Variants in BRAF observed in about 807,000 individuals in gnomAD.
BRAF encodes serine/threonine-protein kinase B-raf.
A neutral mutation model predicts 104.6 loss-of-function variants in BRAF; 16 were observed. That is an observed-to-expected ratio of 0.15 (90% confidence interval 0.10 to 0.23). The LOEUF is 0.23. BRAF is among the 10% of genes least tolerant of loss of function. BRAF has a pLI of 1.00. For missense variants in BRAF, 541 were observed against 937.3 expected (o/e 0.58, Z 5.52); for synonymous variants, 310 against 341.6 (o/e 0.91, Z 1.02).
chr7:140,783,281 CT>C (rs2129026685), intron 10 of BRAF, 124 bp from the exon 10 acceptor site: 1 of 1,259,928 alleles, frequency 7.9e-7, no homozygotes, highest in Admixed American at 2.4e-5. Context: ...AAATATAGAC[CT>C]TTTGGAAAGG....
intron 2 of BRAF, among the ~76,000 whole-genome samples, chr7:140,838,202 CTT>C (rs1807554733): frequency 6.6e-6 from 1 of 152,184 alleles, no homozygotes. Flanking sequence ...TCTAAGCTCT[CTT>C]TGTCAAAATC....
intron 1 of BRAF, 71 bp from the exon 2 acceptor site, chr7:140,850,283 C>A (rs1445981146): frequency 3.0e-5 from 36 of 1,192,074 alleles, no homozygotes; most frequent in Non-Finnish European, 4.0e-5. Context: ...TTAACATAGA[C>A]AACTACATCA....
chr7:140,780,066 A>C (rs1800715051), intron 12 of BRAF: 1 of 152,176 alleles, frequency 6.6e-6, no homozygotes, highest in Non-Finnish European at 1.5e-5. Flanking sequence ...TTGTATCATA[A>C]AATACTGTAC....
intron 2 of BRAF, among the ~76,000 whole-genome samples, chr7:140,842,501 T>C (rs976263534): frequency 8.5e-5 from 13 of 152,158 alleles, no homozygotes; most frequent in Non-Finnish European, 1.8e-4. Context: ...GTAGGGTGAT[T>C]ACAGAGACAG....
chr7:140,850,881 T>G (rs1476947710), intron 1 of BRAF, among the ~76,000 whole-genome samples: 1 of 152,188 alleles, frequency 6.6e-6, no homozygotes, highest in Non-Finnish European at 1.5e-5. Context: ...CTTGTCTACT[T>G]CCTCTTTTAA....
At chr7:140,920,692 C>A (rs1434824162) in intron 1 of BRAF, among the ~76,000 whole-genome samples, 1 of 152,054 alleles carries the variant, frequency 6.6e-6, no homozygotes. Context: ...CTTTAATGGC[C>A]AACATATAAA....
chr7:140,776,811 T>C (rs1195721370), intron 14 of BRAF, 101 bp downstream of exon 13: 25 of 1,151,036 alleles, frequency 2.2e-5, no homozygotes, highest in Non-Finnish European at 3.1e-5. Context: ...TCCTGGACAG[T>C]AATTTAAAAT....
intron 1 of BRAF, among the ~76,000 whole-genome samples, chr7:140,912,644 A>C (rs1336126522): frequency 6.6e-6 from 1 of 152,050 alleles, no homozygotes; most frequent in East Asian, 1.9e-4. Flanking sequence ...ATTCCTCACC[A>C]TCTTTACTTC....
intron 2 of BRAF, chr7:140,835,807 A>G (rs1473863999): frequency 2.0e-5 from 3 of 152,196 alleles, no homozygotes; most frequent in Admixed American, 2.0e-4. Flanking sequence ...CACTCACACC[A>G]TGCTCTACTA....
At chr7:140,862,411 A>C (rs1164194629) in intron 1 of BRAF, among the ~76,000 whole-genome samples, 1 of 152,188 alleles carries the variant, frequency 6.6e-6, no homozygotes, top group Non-Finnish European at 1.5e-5. Flanking sequence ...GGAAGTTCAA[A>C]ATACATTTAG....
chr7:140,827,156 C>G (rs771523640), intron 3 of BRAF, among the ~76,000 whole-genome samples: 1 of 152,188 alleles, frequency 6.6e-6, no homozygotes, highest in African/African-American at 2.4e-5. Context: ...TAAATCAAGA[C>G]TACCTAAAAG....
intron 17 of BRAF, 186 bp downstream of exon 16, chr7:140,749,101 T>G (rs1225789026): frequency 9.7e-6 from 6 of 617,608 alleles, no homozygotes; most frequent in Middle Eastern, 4.7e-4. Flanking sequence ...TCATGACTGA[T>G]ATTCTGAGGA....
chr7:140,768,932 C>T (rs1341923052), intron 14 of BRAF, among the ~76,000 whole-genome samples: 1 of 152,196 alleles, frequency 6.6e-6, no homozygotes, highest in Non-Finnish European at 1.5e-5. Flanking sequence ...AAAGCCCTCA[C>T]CAGAAGCCCA....
At chr7:140,860,606 G>A (rs897940800) in intron 1 of BRAF, among the ~76,000 whole-genome samples, 4 of 152,082 alleles carry the variant, frequency 2.6e-5, no homozygotes, top group African/African-American at 9.7e-5. Context: ...AGACAGGAAT[G>A]CATTATTGCA....
At chr7:140,776,761 TATC>T in intron 14 of BRAF, 148 bp downstream of exon 13, 2 of 730,414 alleles carry the variant, frequency 2.7e-6, no homozygotes, top group East Asian at 5.4e-5. Context: ...TATTTTTTAG[TATC>T]ATATTATTTA....
At chr7:140,863,792 C>T (rs1465876039) in intron 1 of BRAF, among the ~76,000 whole-genome samples, 3 of 152,186 alleles carry the variant, frequency 2.0e-5, no homozygotes, top group Non-Finnish European at 4.4e-5. Context: ...TTGCCTTCTG[C>T]CATGACTGTA....
chr7:140,809,845 G>C (rs931097000), intron 3 of BRAF, among the ~76,000 whole-genome samples: 6 of 152,066 alleles, frequency 3.9e-5, no homozygotes, highest in African/African-American at 1.2e-4. Flanking sequence ...TGGGAAGAGA[G>C]AGACAGAGAA....
intron 14 of BRAF, chr7:140,773,328 T>C (rs1800024005): frequency 1.3e-5 from 2 of 152,238 alleles, no homozygotes; most frequent in Non-Finnish European, 2.9e-5. Context: ...TACAGTAATC[T>C]AGGTGGAATC....
At chr7:140,840,025 C>T (rs1807767823) in intron 2 of BRAF, among the ~76,000 whole-genome samples, 1 of 152,176 alleles carries the variant, frequency 6.6e-6, no homozygotes, top group Admixed American at 6.5e-5. Context: ...TCATTTCTGC[C>T]CCCGTGTAGG....
Sources: allele counts gnomAD v4.1 joint callset (sites outside exome capture counted in the v4.1 genomes callset), GRCh38; gene constraint gnomAD v4.1.1; transcripts MANE v1.5; gene names NCBI Gene and HGNC (gene_info 2026-07-23, HGNC 2026-07-21).